The following FHIT variants were observed in gnomAD, a reference collection of about 807,000 sequenced individuals.
FHIT encodes the protein bis(5'-adenosyl)-triphosphatase.
In FHIT, 19 loss-of-function variants were observed where a neutral mutation model predicts 17.9. That is an observed-to-expected ratio of 1.06 (90% CI 0.74 to 1.56). The LOEUF (loss-of-function observed/expected upper bound fraction) is 1.56. Ranked by LOEUF, FHIT falls within the 40% of genes most tolerant of loss-of-function variation. The pLI is 0.00. For missense variants in FHIT, 248 were observed against 189.2 expected, an observed-to-expected ratio of 1.31 and a Z score of -1.82; for synonymous variants, 81 against 69.7, an observed-to-expected ratio of 1.16 and a Z score of -0.81.
intron 3 of FHIT, among the ~76,000 whole-genome samples, chr3:60,858,091 C>T (rs1703461356): frequency 6.6e-6 from 1 of 152,160 alleles, no homozygotes; most frequent in African/African-American, 2.4e-5. Flanking sequence ...TTGTCTTGGT[C>T]ACTACTCCAG....
intron 1 of FHIT, among the ~76,000 whole-genome samples, chr3:61,211,911 C>A (rs11924124): frequency 0.1 from 15,467 of 152,228 alleles, 2,632 homozygotes; most frequent in African/African-American, 0.35. Context: ...TGGAGTGGAC[C>A]TCTAGCAAAC....
intron 8 of FHIT, among the ~76,000 whole-genome samples, chr3:59,866,399 C>T (rs987869290): frequency 2.0e-5 from 3 of 152,140 alleles, no homozygotes; most frequent in African/African-American, 4.8e-5. Context: ...GCAGATCATT[C>T]GGGGCATTCC....
intron 1 of FHIT, chr3:61,244,126 A>C (rs1224924467): frequency 1.3e-5 from 2 of 152,226 alleles, no homozygotes; most frequent in East Asian, 3.8e-4. Context: ...AGTGGTTTTC[A>C]ATCTTAGATG....
At chr3:61,185,845 A>G (rs1442746720) in intron 2 of FHIT, among the ~76,000 whole-genome samples, 1 of 152,210 alleles carries the variant, frequency 6.6e-6, no homozygotes, top group East Asian at 1.9e-4. Context: ...GTTTCCAAAT[A>G]TTCTAAAATG....
chr3:59,797,644 C>A (rs1699830510), intron 8 of FHIT, among the ~76,000 whole-genome samples: 1 of 152,084 alleles, frequency 6.6e-6, no homozygotes, highest in Admixed American at 6.5e-5. Flanking sequence ...CTCCTCCATG[C>A]CGATATTATA....
chr3:60,506,759 G>T (rs1253094126), intron 5 of FHIT, among the ~76,000 whole-genome samples: 1 of 151,828 alleles, frequency 6.6e-6, no homozygotes, highest in Non-Finnish European at 1.5e-5. Flanking sequence ...TAAATGGAAT[G>T]AGAAGACAAT....
At chr3:60,278,224 T>C (rs780388231) in intron 5 of FHIT, among the ~76,000 whole-genome samples, 7 of 152,150 alleles carry the variant, frequency 4.6e-5, no homozygotes, top group Non-Finnish European at 1.0e-4. Context: ...CATGTTCTCA[T>C]GGGGAAGTCT....
chr3:60,616,749 C>T (rs2038963514), intron 4 of FHIT: 1 of 152,176 alleles, frequency 6.6e-6, no homozygotes, highest in Non-Finnish European at 1.5e-5. Context: ...ATCAGTTCTT[C>T]TCAACTTGAC....
chr3:60,182,187 C>T (rs962941283), intron 5 of FHIT, among the ~76,000 whole-genome samples: 7 of 152,106 alleles, frequency 4.6e-5, no homozygotes, highest in African/African-American at 1.7e-4. Context: ...GCTTTCCTCC[C>T]CACCTGGTAG....
intron 5 of FHIT, among the ~76,000 whole-genome samples, chr3:60,286,028 T>G (rs1317445705): frequency 1.3e-5 from 2 of 152,074 alleles, no homozygotes; most frequent in Admixed American, 6.6e-5. Flanking sequence ...TAAGTGGGTG[T>G]AGAGGGGGAG....
At chr3:61,151,467 T>C (rs981074492) in intron 2 of FHIT, among the ~76,000 whole-genome samples, 2 of 152,198 alleles carry the variant, frequency 1.3e-5, no homozygotes, top group African/African-American at 4.8e-5. Flanking sequence ...TGTATATTAC[T>C]ATTAATATGT....
chr3:59,762,853 G>T (rs1021350764), intron 8 of FHIT, among the ~76,000 whole-genome samples: 1 of 152,174 alleles, frequency 6.6e-6, no homozygotes, highest in Non-Finnish European at 1.5e-5. Context: ...GAAAACTGGT[G>T]AGGCAAAAGG....
At chr3:60,403,007 A>G (rs1021494359) in intron 5 of FHIT, among the ~76,000 whole-genome samples, 18 of 152,210 alleles carry the variant, frequency 1.2e-4, no homozygotes, top group African/African-American at 4.3e-4. Flanking sequence ...AGAGATACCA[A>G]TAGTGCAAAA....
intron 3 of FHIT, among the ~76,000 whole-genome samples, chr3:60,909,004 G>T (rs1466714448): frequency 2.6e-5 from 4 of 152,046 alleles, no homozygotes; most frequent in Admixed American, 6.6e-5. Flanking sequence ...AATTATTGTT[G>T]TCACACCTTA....
chr3:60,183,354 C>T (rs963508111), intron 5 of FHIT, among the ~76,000 whole-genome samples: 4 of 152,164 alleles, frequency 2.6e-5, no homozygotes, highest in African/African-American at 9.7e-5. Flanking sequence ...GCTGAAATCA[C>T]ACCAGTGCAC....
intron 5 of FHIT, among the ~76,000 whole-genome samples, chr3:60,195,794 G>A (rs924108740): frequency 1.4e-5 from 2 of 145,276 alleles, no homozygotes; most frequent in African/African-American, 2.5e-5. Flanking sequence ...CAAATACCAC[G>A]TGTTCTCACA....
At chr3:60,152,576 G>C (rs1457680654) in intron 5 of FHIT, among the ~76,000 whole-genome samples, 1 of 152,074 alleles carries the variant, frequency 6.6e-6, no homozygotes, top group East Asian at 1.9e-4. Context: ...CCAGTCAAGG[G>C]GAGATTCAAG....
intron 4 of FHIT, among the ~76,000 whole-genome samples, chr3:60,753,009 A>C (rs918335489): frequency 3.3e-5 from 5 of 152,208 alleles, no homozygotes; most frequent in African/African-American, 1.2e-4. Flanking sequence ...AGTCTTTAAG[A>C]ATGCAAAACT....
At chr3:60,128,990 C>A (rs1462311469) in intron 5 of FHIT, among the ~76,000 whole-genome samples, 1 of 151,606 alleles carries the variant, frequency 6.6e-6, no homozygotes, top group Non-Finnish European at 1.5e-5. Context: ...TCATTGATTT[C>A]ACACCTTTCC....
Sources: allele counts gnomAD v4.1 joint callset (sites outside exome capture counted in the v4.1 genomes callset), GRCh38; gene constraint gnomAD v4.1.1; transcripts MANE v1.5; gene names NCBI Gene and HGNC (gene_info 2026-07-23, HGNC 2026-07-21).